Variants in HSF5 observed in about 807,000 individuals in gnomAD.
HSF5 encodes heat shock factor protein 5.
In HSF5, 5 loss-of-function variants were observed where a neutral mutation model predicts 50.8. That is an observed-to-expected ratio of 0.10 (90% CI 0.05 to 0.21). HSF5 has a LOEUF of 0.21. Among genes scored for constraint, HSF5 ranks in the 10% least tolerant of loss-of-function variants. HSF5 has a pLI of 1.00. For missense variants in HSF5, 564 were observed against 762.6 expected (o/e 0.74, Z 3.07); for synonymous variants, 307 against 307.4 (o/e 1.00, Z 0.02).
intron 5 of HSF5, among the ~76,000 whole-genome samples, chr17:58,422,696 T>C (rs934104711): frequency 6.0e-5 from 3 of 49,700 alleles, no homozygotes; most frequent in African/African-American, 1.6e-4. Flanking sequence ...TCAGTTGCCT[T>C]TTTTTTTTTT....
rs1975210668 is a variant in HSF5 at position 58,487,788 on chromosome 17, C to G, written c.487G>C (p.Ala163Pro). Residue 163 changes from alanine to proline, a missense_variant, in exon 1 of 6, where the codon GCC becomes CCC. By Grantham distance (27) the Ala-to-Pro change is conservative. Coordinates refer to ENST00000323777, the MANE Select transcript of HSF5 (RefSeq NM_001080439.3). The part of the protein sequence containing the change: ...QRLLITSASA[A>P]TAPLQHQQPP... Reference sequence around the variant, plus strand: ...TGCTGGTGCTGCAGTGGCGCGGTGGCGGCGGAGGCCGAGGTGATGAGCAGC... The same window carrying G: ...TGCTGGTGCTGCAGTGGCGCGGTGGGGGCGGAGGCCGAGGTGATGAGCAGC... 1 of 1,507,032 alleles carries G rather than the reference C, an allele frequency of 6.6e-7. No individual in the cohort carries two copies. The allele number at this position is 1,507,032 out of a possible 1,614,324, so 93.4% of individuals were successfully genotyped here. A position where few individuals can be genotyped will look rare whatever the true frequency, so the allele number is the denominator to read the frequency against.
Position 58,487,765 on chromosome 17 carries a change from C to T in HSF5, c.510G>A (p.Gln170=), listed in dbSNP as rs749565745. 40 of 1,410,760 alleles carry T rather than the reference C, an allele frequency of 2.8e-5. No homozygotes were observed. Among genetic ancestry groups the T allele is most frequent in the Non-Finnish European group, 3.4e-5 (37 of 1,095,556 alleles). The allele number at this position is 1,410,760 out of a possible 1,614,324, so 87.4% of individuals were successfully genotyped here. Residue 170 remains glutamine, a synonymous_variant, in exon 1 of 6, where the codon CAG becomes CAA. Transcript: ENST00000323777. ...ASAATAPLQH[Q]QPPPPAGPRP... ...GGGGCCCCGCGGGCGGCGGCGGCTG[C>T]TGGTGCTGCAGTGGCGCGGTGGCGG...
chr17:58,426,750 T>G (rs774449640), intron 5 of HSF5, among the ~76,000 whole-genome samples: 6 of 152,204 alleles, frequency 3.9e-5, no homozygotes, highest in Admixed American at 6.5e-5. Context: ...GTAATACCAT[T>G]GCAGAAATCA....
rs549493985 is a variant in HSF5 at position 58,442,766 on chromosome 17, T to G, written c.1720+16002A>C. ...TGTTTGTTTGTTTTTGTTTGAGATG[T>G]AGTCTCTGTTGCCCAGGCTGGAGTG... On this transcript the variant is annotated intron_variant, in intron 5 of 5. Transcript: ENST00000323777. Among the ~76,000 whole-genome samples, 157 of 152,254 alleles carry G rather than the reference T, an allele frequency of 1.0e-3. 1 individual carries two copies. Among genetic ancestry groups the G allele is most frequent in the African/African-American group, 3.6e-3 (148 of 41,554 alleles).
At chr17:58,444,198 AT>A (rs983351174) in intron 5 of HSF5, among the ~76,000 whole-genome samples, 12 of 152,110 alleles carry the variant, frequency 7.9e-5, no homozygotes, top group Admixed American at 6.5e-5. Flanking sequence ...ATCTCAGTGA[AT>A]TTTTTTTAAA....
At position 58,473,566 on chromosome 17, in the gene HSF5, G is replaced by A. The variant is rs570189346; in HGVS notation, c.925+6327C>T. ...AAAAATTGAATTCTAGATAAAGCAA[G>A]AATAAAAAGAGTCAACTAATGCTGG... On this transcript the variant is annotated intron_variant, in intron 2 of 5. Transcript: ENST00000323777. Among the ~76,000 whole-genome samples the A allele has an allele frequency of 2.0e-5, 3 of 152,136 alleles. No individual in the cohort carries two copies. The South Asian group carries it at 6.2e-4, about 32-fold the overall frequency.
At chr17:58,453,359 T>C (rs1974666223) in intron 5 of HSF5, among the ~76,000 whole-genome samples, 1 of 152,138 alleles carries the variant, frequency 6.6e-6, no homozygotes, top group African/African-American at 2.4e-5. Context: ...TTTGGGGGGC[T>C]AAGGCAGGCA....
chr17:58,461,200 C>T (rs550958475), intron 4 of HSF5, among the ~76,000 whole-genome samples: 208 of 142,648 alleles, frequency 1.5e-3, no homozygotes, highest in Non-Finnish European at 2.7e-3. Flanking sequence ...AGCAACAGAG[C>T]GAGATTCCAT....
At chr17:58,422,985 G>T (rs1055645813) in intron 5 of HSF5, among the ~76,000 whole-genome samples, 1 of 151,906 alleles carries the variant, frequency 6.6e-6, no homozygotes, top group Non-Finnish European at 1.5e-5. Context: ...CGTGAGCCAC[G>T]GTGCCTGGCC....
intron 2 of HSF5, among the ~76,000 whole-genome samples, chr17:58,467,184 G>A (rs916211746): frequency 1.2e-4 from 18 of 152,112 alleles, no homozygotes; most frequent in African/African-American, 4.3e-4. Flanking sequence ...GTCTTTAAAA[G>A]GGTCATGTCT....
At chr17:58,451,874 T>C (rs568229656) in intron 5 of HSF5, among the ~76,000 whole-genome samples, 9 of 129,106 alleles carry the variant, frequency 7.0e-5, no homozygotes, top group African/African-American at 2.6e-4. Flanking sequence ...TAAAAAACAA[T>C]ATAAAAGATC....
At chr17:58,484,558 C>A (rs1205543001) in intron 1 of HSF5, among the ~76,000 whole-genome samples, 2 of 151,692 alleles carry the variant, frequency 1.3e-5, no homozygotes, top group Admixed American at 6.6e-5. Flanking sequence ...ATTTTCTAGT[C>A]TTTTCTCCTT....
intron 2 of HSF5, among the ~76,000 whole-genome samples, chr17:58,473,425 C>T (rs985503755): frequency 6.6e-6 from 1 of 151,900 alleles, no homozygotes; most frequent in African/African-American, 2.4e-5. Flanking sequence ...GATGAATATT[C>T]TTAAGTATGT....
rs1975014685 is a variant in HSF5, at chr17:58,476,586, AC to A, written c.925+3306del. The stretch of plus-strand genomic sequence containing the variant: ...GATCAAAATAAAAATCTATTCTGTA[AC>A]CTGATTTAATATCTTCGAATTCTGT... On this transcript the variant is annotated intron_variant, in intron 2 of 5. Coordinates refer to ENST00000323777, the MANE Select transcript of HSF5 (RefSeq NM_001080439.3). 5 of 1,519,520 alleles carry A rather than the reference AC, an allele frequency of 3.3e-6. No homozygotes were observed. The East Asian group carries it at 1.1e-4, about 34-fold the overall frequency. 94.1% of individuals were successfully genotyped at this position (1,519,520 alleles called of 1,614,324 possible).
chr17:58,442,771 T>C (rs1357219282), intron 5 of HSF5, among the ~76,000 whole-genome samples: 3 of 152,176 alleles, frequency 2.0e-5, no homozygotes, highest in Non-Finnish European at 2.9e-5. Flanking sequence ...AGATGTAGTC[T>C]CTGTTGCCCA....
At position 58,420,323 on chromosome 17, in the gene HSF5, A is replaced by G. The variant is rs1326114894; in HGVS notation, c.*2037T>C. 6.6e-6 allele frequency: 1 copy of G among 152,208 alleles called. No individual in the cohort carries two copies. Among genetic ancestry groups the G allele is most frequent in the African/African-American group, 2.4e-5 (1 of 41,456 alleles). 9.4% of individuals were successfully genotyped at this position (152,208 alleles called of 1,614,324 possible). ...GGAAGACTTTATTATACCTCTTGCCATTTTGCCCAAGTCATTAATGACAGC... is the reference window on the plus strand; with the variant it reads ...GGAAGACTTTATTATACCTCTTGCCGTTTTGCCCAAGTCATTAATGACAGC... On this transcript the variant is annotated 3_prime_UTR_variant, in exon 6 of 6. Transcript: ENST00000323777.
In HSF5 at chr17:58,487,903, G is replaced by C. The variant is rs780837180; in HGVS notation, c.372C>G (p.Leu124=). 8.7e-6 allele frequency: 14 copies of C among 1,610,572 alleles called. No homozygotes were observed. The highest frequency in any genetic ancestry group is 1.7e-5 in the Admixed American group (1 of 59,906). The stretch of plus-strand genomic sequence containing the variant: ...CGCTGGTGAGGCGCTTGAGGTGCAC[G>C]AGCAGCTGTGGCTGGTCGCGGCGGA... The part of the protein sequence containing the change: ...PHFRRDQPQL[L]VHLKRLTSAN... The change falls in exon 1 of 6, where the codon CTC becomes CTG. Residue 124 remains leucine (L), a synonymous_variant. Transcript: ENST00000323777.
At chr17:58,471,268 T>G (rs1302026749) in intron 2 of HSF5, among the ~76,000 whole-genome samples, 1 of 152,208 alleles carries the variant, frequency 6.6e-6, no homozygotes, top group Non-Finnish European at 1.5e-5. Context: ...GTATTTTTGC[T>G]TAGTTTCTCC....
intron 4 of HSF5, among the ~76,000 whole-genome samples, chr17:58,460,513 A>ATC (rs59866104): frequency 2.1e-5 from 3 of 141,246 alleles, no homozygotes; most frequent in African/African-American, 7.9e-5. Flanking sequence ...ACACACACAT[A>ATC]CTTTTTTTTT....
Sources: allele counts gnomAD v4.1 joint callset (sites outside exome capture counted in the v4.1 genomes callset), GRCh38; gene constraint gnomAD v4.1.1; transcripts MANE v1.5; gene names NCBI Gene and HGNC (gene_info 2026-07-23, HGNC 2026-07-21).